The following NCALD variants were observed in gnomAD, a reference collection of about 807,000 sequenced individuals.
The protein encoded by NCALD is neurocalcin-delta.
Under a neutral mutation model 18.6 loss-of-function variants are expected in NCALD, and 10 were observed. That is an observed-to-expected ratio of 0.54 (90% CI 0.33 to 0.91). NCALD has a LOEUF of 0.91. Among genes scored for constraint, NCALD ranks in the 40% least tolerant of loss-of-function variants. The pLI, the probability that NCALD is intolerant of heterozygous loss-of-function variation, is 0.03. For missense variants in NCALD, 184 were observed against 247.6 expected, an observed-to-expected ratio of 0.74 and a Z score of 1.72; for synonymous variants, 88 against 87.4, an observed-to-expected ratio of 1.01 and a Z score of -0.04.
At chr8:102,064,766 T>C (rs978894817) in intron 1 of NCALD, among the ~76,000 whole-genome samples, 22 of 152,242 alleles carry the variant, frequency 1.4e-4, no homozygotes, top group African/African-American at 4.6e-4. Flanking sequence ...CACACAGGAA[T>C]GAAAACTTTC....
chr8:101,738,552 C>CAAAAAAA (rs34205453), intron 1 of NCALD, among the ~76,000 whole-genome samples: 44 of 127,896 alleles, frequency 3.4e-4, no homozygotes, highest in African/African-American at 5.5e-4. Flanking sequence ...CTCAAAAAAA[C>CAAAAAAA]AAAAAAAAAA....
intron 4 of NCALD, among the ~76,000 whole-genome samples, chr8:101,850,304 C>T (rs1230592088): frequency 6.6e-6 from 1 of 152,192 alleles, no homozygotes; most frequent in Non-Finnish European, 1.5e-5. Flanking sequence ...AATTCCAAGA[C>T]ACCATCTCCT....
chr8:101,945,312 A>G (rs1431498833), intron 2 of NCALD, among the ~76,000 whole-genome samples: 7 of 152,150 alleles, frequency 4.6e-5, no homozygotes, highest in African/African-American at 7.2e-5. Flanking sequence ...GCCCTCATGG[A>G]CCTTACAATG....
intron 2 of NCALD, among the ~76,000 whole-genome samples, chr8:101,974,802 TG>T (rs1820364066): frequency 6.6e-6 from 1 of 152,134 alleles, no homozygotes; most frequent in Non-Finnish European, 1.5e-5. Flanking sequence ...GAAAGATCTA[TG>T]GGAAAACACC....
intron 1 of NCALD, among the ~76,000 whole-genome samples, chr8:102,038,719 A>G (rs1039247187): frequency 2.0e-5 from 3 of 152,178 alleles, no homozygotes; most frequent in Non-Finnish European, 4.4e-5. Flanking sequence ...TCAAAAACAC[A>G]AGCACAGTGG....
chr8:101,931,052 A>C (rs942862564), intron 2 of NCALD, among the ~76,000 whole-genome samples: 10 of 152,186 alleles, frequency 6.6e-5, no homozygotes, highest in African/African-American at 1.9e-4. Context: ...TGTCACCAGC[A>C]CCACTGTCCC....
chr8:101,947,395 T>C (rs1481611286), intron 2 of NCALD, among the ~76,000 whole-genome samples: 1 of 152,194 alleles, frequency 6.6e-6, no homozygotes, highest in Non-Finnish European at 1.5e-5. Context: ...ATTTCTCTCA[T>C]CAAATAAGGG....
chr8:101,822,006 T>C (rs1813743438), intron 4 of NCALD, among the ~76,000 whole-genome samples: 1 of 152,106 alleles, frequency 6.6e-6, no homozygotes, highest in South Asian at 2.1e-4. Flanking sequence ...CTTGTGAAAC[T>C]TTCCTCGAGA....
chr8:102,031,176 C>T (rs1244820103), intron 1 of NCALD, among the ~76,000 whole-genome samples: 2 of 152,052 alleles, frequency 1.3e-5, no homozygotes, highest in African/African-American at 2.4e-5. Context: ...TACAGAGGAA[C>T]ACAATGAAAT....
At chr8:102,116,263 A>G (rs190882374) in intron 1 of NCALD, among the ~76,000 whole-genome samples, 2,196 of 148,164 alleles carry the variant, frequency 0.015, 68 homozygotes, top group African/African-American at 0.051. Context: ...ATAATAAACA[A>G]AAACAAAAAC....
chr8:102,102,690 T>C (rs1216842379), intron 1 of NCALD, among the ~76,000 whole-genome samples: 2 of 152,170 alleles, frequency 1.3e-5, no homozygotes, highest in African/African-American at 4.8e-5. Context: ...AAGCACTTCC[T>C]GAGCTCCTCC....
intron 1 of NCALD, among the ~76,000 whole-genome samples, chr8:102,075,238 CCT>C (rs1824304941): frequency 1.3e-5 from 2 of 152,108 alleles, no homozygotes; most frequent in African/African-American, 4.8e-5. Flanking sequence ...AAAGTCTAAA[CCT>C]CATAGATGTT....
intron 2 of NCALD, among the ~76,000 whole-genome samples, chr8:101,951,351 A>G (rs192477804): frequency 5.9e-5 from 9 of 152,330 alleles, no homozygotes; most frequent in Admixed American, 4.6e-4. Flanking sequence ...TACAGGCAGC[A>G]TGCTGATGGA....
At chr8:101,953,641 G>A (rs1445457356) in intron 2 of NCALD, among the ~76,000 whole-genome samples, 1 of 152,242 alleles carries the variant, frequency 6.6e-6, no homozygotes, top group Non-Finnish European at 1.5e-5. Flanking sequence ...CTCATGACAG[G>A]CACTTGATAA....
intron 4 of NCALD, among the ~76,000 whole-genome samples, chr8:101,851,304 T>A (rs1276115848): frequency 6.6e-6 from 1 of 152,066 alleles, no homozygotes; most frequent in African/African-American, 2.4e-5. Flanking sequence ...GTTGCAAGCA[T>A]CTTATGAATT....
At chr8:102,003,514 T>C (rs1821564226) in intron 2 of NCALD, among the ~76,000 whole-genome samples, 1 of 152,186 alleles carries the variant, frequency 6.6e-6, no homozygotes, top group African/African-American at 2.4e-5. Flanking sequence ...GAGGGAATCC[T>C]CCCTAACTCA....
intron 4 of NCALD, among the ~76,000 whole-genome samples, chr8:101,862,669 C>T (rs2131372716): frequency 6.6e-6 from 1 of 152,296 alleles, no homozygotes; most frequent in East Asian, 1.9e-4. Flanking sequence ...TTTATTGCTG[C>T]CATTTATCAT....
At chr8:101,978,591 A>G (rs1478330927) in intron 2 of NCALD, among the ~76,000 whole-genome samples, 1 of 152,208 alleles carries the variant, frequency 6.6e-6, no homozygotes, top group Non-Finnish European at 1.5e-5. Flanking sequence ...CACCATGATG[A>G]TATTTGTCAA....
At chr8:101,797,601 A>G (rs1008324842) in intron 4 of NCALD, among the ~76,000 whole-genome samples, 1 of 152,198 alleles carries the variant, frequency 6.6e-6, no homozygotes, top group Non-Finnish European at 1.5e-5. Context: ...GCAGATCACG[A>G]GGTCAAGAGA....
Sources: allele counts gnomAD v4.1 joint callset (sites outside exome capture counted in the v4.1 genomes callset), GRCh38; gene constraint gnomAD v4.1.1; transcripts MANE v1.5; gene names NCBI Gene and HGNC (gene_info 2026-07-23, HGNC 2026-07-21).